Variants in UNC13B observed in about 807,000 individuals in gnomAD.
UNC13B encodes unc-13 homolog B, also known as protein unc-13 homolog B.
UNC13B carries 144 observed loss-of-function variants against 211.0 expected under a neutral mutation model. The observed-to-expected ratio is 0.68, with a 90% CI of 0.60 to 0.78. The LOEUF is 0.78. Among genes scored for constraint, UNC13B ranks in the 30% least tolerant of loss-of-function variants. The pLI is 0.00. For synonymous variants in UNC13B, 709 were observed against 725.8 expected, an observed-to-expected ratio of 0.98 and a Z score of 0.37; for missense variants, 1,777 against 2,002.0, an observed-to-expected ratio of 0.89 and a Z score of 2.14.
intron 11 of UNC13B, among the ~76,000 whole-genome samples, chr9:35,342,946 T>G (rs145607571): frequency 6.6e-6 from 1 of 152,152 alleles, no homozygotes; most frequent in Non-Finnish European, 1.5e-5. Flanking sequence ...AAAACCACCA[T>G]CCTAATGTAT....
chr9:35,164,053 G>T (rs536706967), intron 1 of UNC13B, among the ~76,000 whole-genome samples: 1 of 152,244 alleles, frequency 6.6e-6, no homozygotes, highest in South Asian at 2.1e-4. Context: ...GTCTCATTCT[G>T]TCACCCAGGC....
In UNC13B at chr9:35,396,621, A is replaced by G. The variant is rs1354810393; in HGVS notation, c.11435+19A>G. The G allele has an allele frequency of 1.2e-6, 2 of 1,613,398 alleles. No individual in the cohort carries two copies. Among genetic ancestry groups the G allele is most frequent in the Admixed American group, 3.3e-5 (2 of 59,988 alleles). The stretch of plus-strand genomic sequence containing the variant: ...ACCCAGCGTGAGTCATCATGTGGGC[A>G]CTACAGAGGGAAGGGAGCCCTCTGG... On this transcript the variant is annotated intron_variant, in intron 27 of 39. Transcript: ENST00000635942.
Position 35,307,925 on chromosome 9 carries a change from C to T in UNC13B, c.8521C>T (p.Leu2841Phe). ...AAAACTAGGATTTGGAAAGGTAGATCTTTCATTTCCATGGCCAAAAGAGAA... is the reference window on the plus strand; with the variant it reads ...AAAACTAGGATTTGGAAAGGTAGATTTTTCATTTCCATGGCCAAAAGAGAA... ...DSKLGFGKVD[L>F]SFPWPKENKG... Residue 2841 changes from leucine to phenylalanine, a missense_variant, in exon 9 of 40, where the codon CTT becomes TTT. Coordinates refer to ENST00000635942, the MANE Select transcript of UNC13B (RefSeq NM_001371189.2). 5.0e-6 allele frequency: 2 copies of T among 398,952 alleles called. No homozygotes were observed. Among genetic ancestry groups the T allele is most frequent in the South Asian group, 2.5e-4 (2 of 7,864 alleles). 24.7% of individuals were successfully genotyped at this position (398,952 alleles called of 1,614,324 possible). A position where few individuals can be genotyped will look rare whatever the true frequency, so the allele number is the denominator to read the frequency against.
intron 1 of UNC13B, among the ~76,000 whole-genome samples, chr9:35,221,161 C>T (rs762646273): frequency 3.3e-5 from 5 of 152,120 alleles, no homozygotes; most frequent in East Asian, 1.9e-4. Context: ...CTCTGCCTCC[C>T]GATCTTAAGT....
intron 1 of UNC13B, among the ~76,000 whole-genome samples, chr9:35,224,675 G>T (rs1824738286): frequency 6.6e-6 from 1 of 151,940 alleles, no homozygotes; most frequent in Non-Finnish European, 1.5e-5. Context: ...TAAGTTGAAT[G>T]AGAGTTGTGA....
Position 35,382,349 on chromosome 9 carries a change from T to A in UNC13B, c.10656-8T>A. On this transcript the variant is annotated splice_region_variant and splice_polypyrimidine_tract_variant and intron_variant, in intron 20 of 39. Coordinates refer to ENST00000635942, the MANE Select transcript of UNC13B (RefSeq NM_001371189.2). ...AGTCTTTGAGGCTGCGGGTGCTGTG[T>A]TTTTCAGGCACTTTGCATGTTTATC... 1 of 1,609,390 alleles carries A rather than the reference T, an allele frequency of 6.2e-7. No individual in the cohort carries two copies. The highest frequency in any genetic ancestry group is 8.5e-7 in the Non-Finnish European group (1 of 1,178,274).
At chr9:35,192,728 G>C (rs1471720751) in intron 1 of UNC13B, among the ~76,000 whole-genome samples, 1 of 152,176 alleles carries the variant, frequency 6.6e-6, no homozygotes, top group Non-Finnish European at 1.5e-5. Context: ...GTCTAGTAAG[G>C]CCATGCCCTT....
At chr9:35,215,430 T>G (rs757105660) in intron 1 of UNC13B, among the ~76,000 whole-genome samples, 9 of 152,112 alleles carry the variant, frequency 5.9e-5, no homozygotes, top group Non-Finnish European at 1.0e-4. Flanking sequence ...ATAAATATAC[T>G]TTATAAAACT....
chr9:35,364,132 C>CA (rs1564167873), intron 11 of UNC13B, among the ~76,000 whole-genome samples: 6 of 148,134 alleles, frequency 4.1e-5, no homozygotes, highest in South Asian at 2.1e-4. Context: ...AATAAGCTCA[C>CA]GTGGCTTCTG....
At chr9:35,195,431 C>T (rs1246139954) in intron 1 of UNC13B, among the ~76,000 whole-genome samples, 1 of 152,128 alleles carries the variant, frequency 6.6e-6, no homozygotes, top group Non-Finnish European at 1.5e-5. Flanking sequence ...TAAAACCAGT[C>T]TGTAACCCAA....
intron 11 of UNC13B, among the ~76,000 whole-genome samples, chr9:35,343,105 T>C (rs1169431770): frequency 6.6e-6 from 1 of 152,248 alleles, no homozygotes; most frequent in Non-Finnish European, 1.5e-5. Context: ...ACTTTGCAGA[T>C]TGAAGACTCA....
chr9:35,178,628 C>A (rs1373655102), intron 1 of UNC13B, among the ~76,000 whole-genome samples: 1 of 151,994 alleles, frequency 6.6e-6, no homozygotes, highest in African/African-American at 2.4e-5. Context: ...CAGTGGCTCA[C>A]ACATGTAATC....
Position 35,380,580 on chromosome 9 carries a change from G to A in UNC13B, c.10316G>A (p.Gly3439Asp). Reference protein sequence around the residue: ...RLKRESDDFLGQTIIEVRTLS... With the variant: ...RLKRESDDFLDQTIIEVRTLS... The stretch of plus-strand genomic sequence containing the variant: ...AAGCGAGAGTCTGATGATTTCCTTG[G>A]CCAAACCATCATTGAGGTTCGGACC... The change falls in exon 18 of 40, where the codon GGC becomes GAC. Residue 3439 changes from glycine (G) to aspartate (D), a missense_variant. Physicochemically the swap from Gly to Asp is moderately conservative, Grantham distance 94 (BLOSUM62 -1). Transcript: ENST00000635942. The A allele has an allele frequency of 6.2e-7, 1 of 1,614,186 alleles. No homozygotes were observed.
chr9:35,364,749 T>C (rs1368602747), intron 11 of UNC13B, among the ~76,000 whole-genome samples: 1 of 152,180 alleles, frequency 6.6e-6, no homozygotes, highest in Non-Finnish European at 1.5e-5. Flanking sequence ...GTGTGCATGC[T>C]CCTTGCTTGT....
rs765899199 is a variant in UNC13B at position 35,243,274 on chromosome 9, T to TC, written c.395-16dup. On this transcript the variant is annotated splice_polypyrimidine_tract_variant and intron_variant, in intron 5 of 39. Transcript: ENST00000635942. The stretch of plus-strand genomic sequence containing the variant: ...CTGATGTGATTTCTTTTCTTTTTCT[T>TC]CTTTTTTTTATGGTAGATATCCCAG... The TC allele has an allele frequency of 1.2e-6, 2 of 1,611,206 alleles. No individual in the cohort carries two copies. Among genetic ancestry groups the TC allele is most frequent in the East Asian group, 4.5e-5 (2 of 44,862 alleles).
At chr9:35,177,583 T>G (rs1821708598) in intron 1 of UNC13B, among the ~76,000 whole-genome samples, 1 of 152,224 alleles carries the variant, frequency 6.6e-6, no homozygotes, top group Non-Finnish European at 1.5e-5. Flanking sequence ...TATAGTAACT[T>G]TTACTCTCAG....
chr9:35,327,995 A>C (rs558134136), intron 11 of UNC13B, among the ~76,000 whole-genome samples: 67 of 152,152 alleles, frequency 4.4e-4, no homozygotes, highest in African/African-American at 1.5e-3. Context: ...TAAAGCTTCA[A>C]ATTTTCTTTT....
intron 1 of UNC13B, among the ~76,000 whole-genome samples, chr9:35,227,436 T>C (rs552487043): frequency 1.3e-5 from 2 of 152,320 alleles, no homozygotes; most frequent in African/African-American, 4.8e-5. Context: ...TTTTCCTGCA[T>C]GTATGGTCTT....
intron 11 of UNC13B, among the ~76,000 whole-genome samples, chr9:35,328,336 T>C (rs1352181092): frequency 2.0e-5 from 3 of 152,036 alleles, no homozygotes; most frequent in Non-Finnish European, 4.4e-5. Context: ...AATTTTCTTT[T>C]AAACATGAGC....
Sources: gnomAD v4.1 joint callset for allele counts (sites outside exome capture counted in the v4.1 genomes callset) on GRCh38, gnomAD v4.1.1 for gene constraint, MANE v1.5 for transcripts, NCBI Gene and HGNC (gene_info 2026-07-23, HGNC 2026-07-21) for gene names.